The following PAK3 variants were observed in gnomAD, a reference collection of about 807,000 sequenced individuals.
PAK3 encodes the protein p21 (RAC1) activated kinase 3.
PAK3 carries 4 observed loss-of-function variants against 41.0 expected under a neutral mutation model. That is an observed-to-expected ratio of 0.10 (90% confidence interval 0.05 to 0.22). The LOEUF is 0.22. Ranked by LOEUF, PAK3 falls within the 10% of genes least tolerant of loss-of-function variation. The pLI, the probability that PAK3 is intolerant of heterozygous loss-of-function variation, is 1.00. For missense variants in PAK3, 205 were observed against 409.9 expected, an observed-to-expected ratio of 0.50 and a Z score of 4.32; for synonymous variants, 146 against 139.6, an observed-to-expected ratio of 1.05 and a Z score of -0.32.
rs1052784172 is a variant in PAK3 at position 111,202,553 on chromosome X, A to C, written c.1407+5913A>C. On this transcript the variant is annotated intron_variant, in intron 16 of 17. Transcript: ENST00000372007. ...CTTTCCCTGTGGATATACAAATCAA[A>C]TGTTACTGTTGCTGATATCATCAAC... 2.7e-5 allele frequency among the ~76,000 whole-genome samples: 3 copies of C among 111,920 alleles called. No homozygotes were observed. In the East Asian group the frequency reaches 8.5e-4, roughly 32 times the overall value.
At chrX:111,028,863 T>C (rs1200137628) in intron 1 of PAK3, among the ~76,000 whole-genome samples, 1 of 111,715 alleles carries the variant, frequency 9.0e-6, no homozygotes, top group Non-Finnish European at 1.9e-5. Context: ...CTGGGCACAG[T>C]GGCTCATGCC....
intron 16 of PAK3, among the ~76,000 whole-genome samples, chrX:111,202,671 G>A (rs968574385): frequency 3.6e-5 from 4 of 111,667 alleles, no homozygotes; most frequent in Non-Finnish European, 7.5e-5. Flanking sequence ...CAAAACTTTG[G>A]TCTATTTTCT....
At chrX:111,098,765 G>T (rs1398495785) in intron 3 of PAK3, 1 of 107,014 alleles carries the variant, frequency 9.3e-6, no homozygotes, top group Admixed American at 9.9e-5. Context: ...TGGGACCCCT[G>T]CTCAAAAAAA....
At chrX:111,000,163 A>G (rs1406793349) in intron 1 of PAK3, among the ~76,000 whole-genome samples, 1 of 111,212 alleles carries the variant, frequency 9.0e-6, no homozygotes, top group Non-Finnish European at 1.9e-5. Flanking sequence ...CAGGAATCCT[A>G]ATATCCCACA....
chrX:110,972,307 G>T (rs1045096124), intron 1 of PAK3, among the ~76,000 whole-genome samples: 3 of 111,446 alleles, frequency 2.7e-5, no homozygotes, highest in African/African-American at 6.5e-5. Context: ...AGCCTAAATG[G>T]GGACACCTCC....
At chrX:110,958,841 G>A (rs763337832) in intron 1 of PAK3, among the ~76,000 whole-genome samples, 1 of 111,675 alleles carries the variant, frequency 9.0e-6, no homozygotes, top group Admixed American at 9.5e-5. Flanking sequence ...AAGATATGAT[G>A]TATTAAATGC....
At chrX:110,956,150 G>T (rs1316904689) in intron 1 of PAK3, among the ~76,000 whole-genome samples, 1 of 112,135 alleles carries the variant, frequency 8.9e-6, no homozygotes, top group Non-Finnish European at 1.9e-5. Flanking sequence ...AATGCATGAA[G>T]CTCCATGAAG....
chrX:111,099,347 G>A (rs2093078010), intron 3 of PAK3, among the ~76,000 whole-genome samples: 2 of 111,758 alleles, frequency 1.8e-5, no homozygotes, highest in Non-Finnish European at 3.8e-5. Flanking sequence ...GTTATCTGCA[G>A]GTTGGAGCAA....
intron 1 of PAK3, among the ~76,000 whole-genome samples, chrX:111,002,671 C>A (rs369434780): frequency 1.8e-5 from 2 of 111,417 alleles, no homozygotes; most frequent in East Asian, 5.7e-4. Context: ...ACCCACTTCA[C>A]CCCATCCTTA....
At chrX:111,137,299 T>C (rs1451219582) in intron 5 of PAK3, among the ~76,000 whole-genome samples, 1 of 111,565 alleles carries the variant, frequency 9.0e-6, no homozygotes, top group Non-Finnish European at 1.9e-5. Context: ...CCTCCACCAG[T>C]CTTATCTAAG....
At chrX:111,080,311 A>G (rs1033741004) in intron 1 of PAK3, among the ~76,000 whole-genome samples, 4 of 111,798 alleles carry the variant, frequency 3.6e-5, no homozygotes, top group African/African-American at 1.3e-4. Context: ...ATCTACAGCA[A>G]CCACCACCCT....
Position 111,192,157 on chromosome X carries a change from C to T in PAK3, c.861C>T (p.Asp287=), listed in dbSNP as rs764812471. 4 of 1,117,452 alleles carry T rather than the reference C, an allele frequency of 3.6e-6. No homozygotes were observed. In the African/African-American group the frequency reaches 5.4e-5, roughly 15 times the overall value. 92.1% of individuals were successfully genotyped at this position (1,117,452 alleles called of 1,213,427 possible). Residue 287 remains aspartate (D), a synonymous_variant, in exon 12 of 18, where the codon GAC becomes GAT. Coordinates refer to ENST00000372007, the MANE Select transcript of PAK3 (RefSeq NM_002578.5). ...GASGTVYTAL[D]IATGQEVAIK... is the part of the protein sequence containing the mutation. ...CAGGTACTGTTTATACAGCACTAGA[C>T]ATTGCAACAGGACAAGAGGTAAGTG... is the stretch of plus-strand genomic sequence containing the variant.
chrX:111,127,685 T>C (rs1603276426), intron 5 of PAK3, among the ~76,000 whole-genome samples: 1 of 111,622 alleles, frequency 9.0e-6, no homozygotes, highest in Admixed American at 9.5e-5. Flanking sequence ...TTCTCTTTTG[T>C]TGGCTACTAG....
At chrX:111,027,500 G>A (rs550443267) in intron 1 of PAK3, among the ~76,000 whole-genome samples, 55 of 111,622 alleles carry the variant, frequency 4.9e-4, no homozygotes, top group African/African-American at 1.7e-3. Context: ...ATCAAAAAGT[G>A]GGCTAAGGAC....
chrX:110,957,560 G>A (rs2090888633), intron 1 of PAK3, among the ~76,000 whole-genome samples: 1 of 111,896 alleles, frequency 8.9e-6, no homozygotes, highest in Admixed American at 9.5e-5. Flanking sequence ...AGGTGCTTGG[G>A]TACAGTAGAC....
intron 4 of PAK3, among the ~76,000 whole-genome samples, chrX:111,104,754 A>AT (rs993827166): frequency 2.1e-4 from 23 of 109,569 alleles, no homozygotes; most frequent in African/African-American, 6.0e-4. Context: ...CAAGGTAGGT[A>AT]TTTTTTTTTC....
intron 1 of PAK3, among the ~76,000 whole-genome samples, chrX:111,041,494 G>T (rs2092452009): frequency 8.9e-6 from 1 of 112,084 alleles, no homozygotes; most frequent in African/African-American, 3.2e-5. Flanking sequence ...CTGCCCAAAA[G>T]CTTTGCTTCT....
At chrX:110,952,882 G>C (rs1165444386) in intron 1 of PAK3, among the ~76,000 whole-genome samples, 1 of 111,690 alleles carries the variant, frequency 9.0e-6, no homozygotes, top group African/African-American at 3.2e-5. Flanking sequence ...GAAAAAAGTG[G>C]TTTTAGTTTT....
intron 4 of PAK3, among the ~76,000 whole-genome samples, chrX:111,110,415 G>A (rs868324187): frequency 3.6e-5 from 4 of 111,979 alleles, no homozygotes; most frequent in Non-Finnish European, 7.5e-5. Flanking sequence ...GGGGGCTACA[G>A]TTAGCAAATA....
Sources: gnomAD v4.1 joint callset for allele counts (sites outside exome capture counted in the v4.1 genomes callset) on GRCh38, gnomAD v4.1.1 for gene constraint, MANE v1.5 for transcripts, NCBI Gene and HGNC (gene_info 2026-07-23, HGNC 2026-07-21) for gene names.